Variants in PCDH11X observed in about 807,000 individuals in gnomAD.
PCDH11X encodes protocadherin-11 X-linked.
Under a neutral mutation model 53.3 loss-of-function variants are expected in PCDH11X, and 18 were observed. That is an observed-to-expected ratio of 0.34 (90% CI 0.23 to 0.50). The LOEUF is 0.50. Ranked by LOEUF, PCDH11X falls within the 20% of genes least tolerant of loss-of-function variation. The probability of loss-of-function intolerance (pLI) is 0.98; values close to 1 mark genes in which losing one functional copy is unlikely to be tolerated. For synonymous variants in PCDH11X, 279 were observed against 393.3 expected, an observed-to-expected ratio of 0.71 and a Z score of 3.44; for missense variants, 570 against 1,032.4, an observed-to-expected ratio of 0.55 and a Z score of 6.14.
intron 8 of PCDH11X, among the ~76,000 whole-genome samples, chrX:92,363,398 T>C (rs2070391024): frequency 9.0e-6 from 1 of 111,385 alleles, no homozygotes; most frequent in Non-Finnish European, 1.9e-5. Context: ...CATATATTCT[T>C]GTTTTGATAC....
chrX:92,506,220 T>C (rs1447142532), intron 10 of PCDH11X, among the ~76,000 whole-genome samples: 1 of 74,512 alleles, frequency 1.3e-5, no homozygotes, highest in African/African-American at 4.7e-5. Context: ...TCTTTTCTTT[T>C]TTTTTTTTTT....
chrX:91,840,233 A>G (rs1485447045), intron 5 of PCDH11X, among the ~76,000 whole-genome samples: 1 of 111,537 alleles, frequency 9.0e-6, no homozygotes, highest in Non-Finnish European at 1.9e-5. Context: ...TCAAATTTCC[A>G]TCTTCCCTGG....
chrX:92,310,864 C>T (rs2068934245), intron 8 of PCDH11X, among the ~76,000 whole-genome samples: 1 of 111,572 alleles, frequency 9.0e-6, no homozygotes, highest in African/African-American at 3.3e-5. Flanking sequence ...AAATGTAGCG[C>T]ATTGTAGATT....
intron 10 of PCDH11X, among the ~76,000 whole-genome samples, chrX:92,606,002 C>T (rs1349999651): frequency 1.8e-5 from 2 of 110,303 alleles, no homozygotes; most frequent in East Asian, 2.9e-4. Flanking sequence ...GAGACCGAGG[C>T]GGGCGGATCA....
At chrX:91,802,738 A>C (rs755760606) in intron 1 of PCDH11X, among the ~76,000 whole-genome samples, 1 of 112,077 alleles carries the variant, frequency 8.9e-6, no homozygotes, top group South Asian at 3.7e-4. Flanking sequence ...TTGGTTAAAT[A>C]TCAGTAATTT....
At chrX:92,351,265 G>T (rs1046755549) in intron 8 of PCDH11X, among the ~76,000 whole-genome samples, 2 of 111,625 alleles carry the variant, frequency 1.8e-5, no homozygotes, top group African/African-American at 6.5e-5. Flanking sequence ...TTTTGTGTAG[G>T]TTCACAAATA....
intron 10 of PCDH11X, among the ~76,000 whole-genome samples, chrX:92,547,123 A>G (rs1189658525): frequency 9.3e-6 from 1 of 107,876 alleles, no homozygotes; most frequent in Non-Finnish European, 1.9e-5. Flanking sequence ...TTTGTTAGAA[A>G]ATACTATTAC....
chrX:91,830,387 T>G (rs5984829), intron 4 of PCDH11X, among the ~76,000 whole-genome samples: 57 of 111,391 alleles, frequency 5.1e-4, no homozygotes, highest in African/African-American at 1.8e-3. Flanking sequence ...CAAACCAGTC[T>G]TATAATTACT....
rs2069905094 is a variant in PCDH11X at position 92,346,703 on chromosome X, A to T, written c.3145-41032A>T. 2.7e-5 allele frequency among the ~76,000 whole-genome samples: 3 copies of T among 111,921 alleles called. No homozygotes were observed. In the Admixed American group the frequency reaches 2.8e-4, roughly 11 times the overall value. On this transcript the variant is annotated intron_variant, in intron 8 of 10. Coordinates refer to ENST00000682573, the MANE Select transcript of PCDH11X (RefSeq NM_032968.5). ...GAAATTTATTAGATTCTTTTACTTG[A>T]CGTTCAATAATTCATTCTAGTCAAA...
chrX:92,124,200 G>A (rs1486276498), intron 6 of PCDH11X, among the ~76,000 whole-genome samples: 1 of 110,596 alleles, frequency 9.0e-6, no homozygotes, highest in Non-Finnish European at 1.9e-5. Context: ...TACTTCAGTG[G>A]TTACAACTCA....
At position 92,506,216 on chromosome X, in the gene PCDH11X, C is replaced by CTTT. The variant is rs1180678297; in HGVS notation, c.3367+37914_3367+37916dup. Among the ~76,000 whole-genome samples the CTTT allele has an allele frequency of 1.5e-3, 60 of 40,191 alleles. 4 individuals carry two copies. Among genetic ancestry groups the CTTT allele is most frequent in the African/African-American group, 3.6e-3 (33 of 9,281 alleles). The allele number at this position is 40,191 out of a possible 115,157, so 34.9% of individuals were successfully genotyped here. A position where few individuals can be genotyped will look rare whatever the true frequency, so the allele number is the denominator to read the frequency against. ...ATTTGGATACATTTTCTTTTCTTTTCTTTTTTTTTTTTTTTTTTTTTTGCC... is the reference window on the plus strand; with the variant it reads ...ATTTGGATACATTTTCTTTTCTTTTCTTTTTTTTTTTTTTTTTTTTTTTTTGCC... On this transcript the variant is annotated intron_variant, in intron 10 of 10. Coordinates refer to ENST00000682573, the MANE Select transcript of PCDH11X (RefSeq NM_032968.5).
At chrX:92,278,681 G>A (rs758491266) in intron 8 of PCDH11X, among the ~76,000 whole-genome samples, 46 of 110,757 alleles carry the variant, frequency 4.2e-4, no homozygotes, top group African/African-American at 1.5e-3. Context: ...CAGTTAAGGC[G>A]GGGCAGGGCC....
intron 8 of PCDH11X, among the ~76,000 whole-genome samples, chrX:92,284,867 T>C (rs1181705983): frequency 2.7e-5 from 3 of 111,780 alleles, no homozygotes; most frequent in Non-Finnish European, 5.6e-5. Flanking sequence ...TATTATCACA[T>C]ATGGGACTGC....
chrX:92,185,835 A>G (rs1188017299), intron 6 of PCDH11X, among the ~76,000 whole-genome samples: 1 of 111,617 alleles, frequency 9.0e-6, no homozygotes, highest in East Asian at 2.8e-4. Context: ...AAAAAAAAGA[A>G]AAAACAAAAC....
intron 7 of PCDH11X, among the ~76,000 whole-genome samples, chrX:92,246,683 A>G (rs1167341468): frequency 8.9e-6 from 1 of 111,764 alleles, no homozygotes; most frequent in East Asian, 2.8e-4. Flanking sequence ...CTTACAGTCG[A>G]TGTGATTTTG....
chrX:92,614,521 A>C (rs935123625), intron 10 of PCDH11X, among the ~76,000 whole-genome samples: 24 of 109,854 alleles, frequency 2.2e-4, no homozygotes, highest in African/African-American at 8.0e-4. Flanking sequence ...GCTGTACCTG[A>C]TGTGGCTAGG....
chrX:91,950,828 G>T (rs1380723693), intron 6 of PCDH11X, among the ~76,000 whole-genome samples: 5 of 109,728 alleles, frequency 4.6e-5, no homozygotes, highest in African/African-American at 1.7e-4. Flanking sequence ...AAAAGTGGCT[G>T]AAATATAAGC....
rs762891852 is a variant in PCDH11X, at chrX:92,335,490, A to G, written c.3145-52245A>G. Reference sequence around the variant, plus strand: ...AGGCGTTTGAAGGAAATCGAAATCTATTTATCTCGAATGGGCTTTGCATGC... The same window carrying G: ...AGGCGTTTGAAGGAAATCGAAATCTGTTTATCTCGAATGGGCTTTGCATGC... On this transcript the variant is annotated intron_variant, in intron 8 of 10. Transcript: ENST00000682573. Among the ~76,000 whole-genome samples, 288 of 108,867 alleles carry G rather than the reference A, an allele frequency of 2.6e-3. 3 individuals are homozygous for G. Among genetic ancestry groups the G allele is most frequent in the Non-Finnish European group, 3.9e-3 (203 of 52,366 alleles). 94.5% of individuals were successfully genotyped at this position (108,867 alleles called of 115,157 possible).
chrX:92,144,963 G>T (rs1306192011), intron 6 of PCDH11X, among the ~76,000 whole-genome samples: 3 of 111,291 alleles, frequency 2.7e-5, no homozygotes, highest in African/African-American at 9.8e-5. Context: ...GGAGCTGCCA[G>T]TGTGACCATC....
Sources: allele counts gnomAD v4.1 joint callset (sites outside exome capture counted in the v4.1 genomes callset), GRCh38; gene constraint gnomAD v4.1.1; transcripts MANE v1.5; gene names NCBI Gene and HGNC (gene_info 2026-07-23, HGNC 2026-07-21).